The following PARN variants were observed in gnomAD, a reference collection of about 807,000 sequenced individuals.
PARN encodes the protein poly(A)-specific ribonuclease PARN.
Under a neutral mutation model 102.8 loss-of-function variants are expected in PARN, and 71 were observed. The ratio of observed to expected loss-of-function variants is 0.69; its 90% CI spans 0.57 to 0.84. The LOEUF is 0.84. PARN is among the 40% of genes least tolerant of loss of function. PARN has a pLI of 0.00. For missense variants in PARN, 782 were observed against 760.9 expected (o/e 1.03, Z -0.33); for synonymous variants, 261 against 252.9 (o/e 1.03, Z -0.30).
chr16:14,580,406 G>T (rs1051350514), intron 18 of PARN, among the ~76,000 whole-genome samples: 1 of 151,916 alleles, frequency 6.6e-6, no homozygotes. Flanking sequence ...TCCCACTACA[G>T]CCTCCCGAGT....
At chr16:14,611,158 G>A (rs907989549) in intron 6 of PARN, among the ~76,000 whole-genome samples, 7 of 152,190 alleles carry the variant, frequency 4.6e-5, no homozygotes, top group South Asian at 2.1e-4. Flanking sequence ...AGAATAAGTC[G>A]GATACGAAAG....
intron 5 of PARN, among the ~76,000 whole-genome samples, chr16:14,625,879 G>A (rs887080235): frequency 3.2e-4 from 48 of 152,198 alleles, no homozygotes; most frequent in African/African-American, 1.1e-3. Flanking sequence ...GATTTTAAGG[G>A]AGAAAAGATT....
intron 12 of PARN, among the ~76,000 whole-genome samples, chr16:14,596,870 C>G (rs1970550862): frequency 6.6e-6 from 1 of 151,652 alleles, no homozygotes. Flanking sequence ...TACTGCAACC[C>G]CCGCCTCCTA....
chr16:14,485,968 G>T (rs62037463), intron 21 of PARN, among the ~76,000 whole-genome samples: 1 of 152,184 alleles, frequency 6.6e-6, no homozygotes, highest in African/African-American at 2.4e-5. Context: ...GATTATGGGC[G>T]TGAGCCACCG....
chr16:14,534,913 C>T (rs1277426953), intron 21 of PARN, among the ~76,000 whole-genome samples: 1 of 151,428 alleles, frequency 6.6e-6, no homozygotes, highest in Non-Finnish European at 1.5e-5. Context: ...CGGCTCACCA[C>T]AACCTCCACC....
At chr16:14,619,497 G>A (rs1460997887) in intron 5 of PARN, among the ~76,000 whole-genome samples, 2 of 151,968 alleles carry the variant, frequency 1.3e-5, no homozygotes, top group Non-Finnish European at 2.9e-5. Context: ...GGGTGCAGTG[G>A]CTCACACCTG....
At chr16:14,520,439 A>C (rs1037232808) in intron 21 of PARN, among the ~76,000 whole-genome samples, 1 of 152,172 alleles carries the variant, frequency 6.6e-6, no homozygotes, top group African/African-American at 2.4e-5. Context: ...TAAAAAAATA[A>C]TCTGTGGGCC....
chr16:14,463,746 G>A (rs998188485), intron 22 of PARN, among the ~76,000 whole-genome samples: 1 of 150,492 alleles, frequency 6.6e-6, no homozygotes, highest in Admixed American at 6.7e-5. Context: ...ATATACATGA[G>A]TAATTGGAGT....
chr16:14,511,914 C>T (rs1403966818), intron 21 of PARN, among the ~76,000 whole-genome samples: 8 of 152,118 alleles, frequency 5.3e-5, no homozygotes, highest in South Asian at 2.1e-4. Context: ...GTGTTACCTA[C>T]GCTGGTCTTG....
intron 18 of PARN, among the ~76,000 whole-genome samples, chr16:14,561,347 TC>T (rs1968050248): frequency 6.6e-6 from 1 of 151,986 alleles, no homozygotes; most frequent in South Asian, 2.1e-4. Context: ...AGATGCAAAT[TC>T]CCAAGCGCCA....
chr16:14,438,254 T>A (rs1289035071), intron 23 of PARN, among the ~76,000 whole-genome samples: 1 of 152,232 alleles, frequency 6.6e-6, no homozygotes, highest in African/African-American at 2.4e-5. Flanking sequence ...GGCACTTTTA[T>A]AATTCACATA....
chr16:14,574,251 G>A (rs1206338160), intron 18 of PARN, among the ~76,000 whole-genome samples: 2 of 152,196 alleles, frequency 1.3e-5, no homozygotes, highest in African/African-American at 4.8e-5. Context: ...TTGCCATAGA[G>A]ATTTGTAGAA....
intron 21 of PARN, among the ~76,000 whole-genome samples, chr16:14,484,104 G>T (rs1175132206): frequency 6.6e-6 from 1 of 152,162 alleles, no homozygotes; most frequent in Non-Finnish European, 1.5e-5. Flanking sequence ...ACAATACTTA[G>T]GACATGCCTC....
chr16:14,608,428 C>A, intron 8 of PARN, 109 bp from the exon 9 acceptor site: 1 of 667,858 alleles, frequency 1.5e-6, no homozygotes, highest in Non-Finnish European at 2.5e-6. Flanking sequence ...TTCATTAGAA[C>A]TGATAGGTAA....
chr16:14,565,606 T>TC (rs1968380711), intron 18 of PARN, among the ~76,000 whole-genome samples: 1 of 152,230 alleles, frequency 6.6e-6, no homozygotes, highest in African/African-American at 2.4e-5. Context: ...ACAGTCTAAG[T>TC]CAACATCTTT....
At chr16:14,588,788 A>G (rs544044280) in intron 13 of PARN, among the ~76,000 whole-genome samples, 1 of 152,246 alleles carries the variant, frequency 6.6e-6, no homozygotes, top group East Asian at 1.9e-4. Context: ...AGACTGAGAC[A>G]TGAGAATCAC....
intron 21 of PARN, among the ~76,000 whole-genome samples, chr16:14,537,853 G>C (rs1319977888): frequency 6.6e-6 from 1 of 152,158 alleles, no homozygotes; most frequent in African/African-American, 2.4e-5. Flanking sequence ...AATGTGTTCT[G>C]ATGTTCTGGC....
chr16:14,441,563 C>T (rs1960944208), intron 23 of PARN, among the ~76,000 whole-genome samples: 1 of 152,216 alleles, frequency 6.6e-6, no homozygotes, highest in South Asian at 2.1e-4. Context: ...GGGGTACGCC[C>T]TGGGGCCGGT....
At chr16:14,587,297 A>C (rs929868768) in intron 13 of PARN, among the ~76,000 whole-genome samples, 2 of 152,228 alleles carry the variant, frequency 1.3e-5, no homozygotes, top group African/African-American at 2.4e-5. Context: ...ATACCACTAG[A>C]AAGCTTTACA....
Sources: allele counts gnomAD v4.1 joint callset (sites outside exome capture counted in the v4.1 genomes callset), GRCh38; gene constraint gnomAD v4.1.1; transcripts MANE v1.5; gene names NCBI Gene and HGNC (gene_info 2026-07-23, HGNC 2026-07-21).